The following APBA2 variants were observed in gnomAD, a reference collection of about 807,000 sequenced individuals.
The protein encoded by APBA2 is amyloid beta precursor protein binding family A member 2.
In APBA2, 30 loss-of-function variants were observed where a neutral mutation model predicts 75.0. The ratio of observed to expected loss-of-function variants is 0.40; its 90% CI spans 0.30 to 0.54. The LOEUF is 0.54. Ranked by LOEUF, APBA2 falls within the 20% of genes least tolerant of loss-of-function variation. The pLI is 0.49. For missense variants in APBA2, 801 were observed against 1,016.1 expected (o/e 0.79, Z 2.88); for synonymous variants, 444 against 409.6 (o/e 1.08, Z -1.01).
rs570138058 is a variant in APBA2 at position 28,902,812 on chromosome 15, C to T, written c.-205+16534C>T. Among the ~76,000 whole-genome samples the T allele has an allele frequency of 5.9e-5, 9 of 152,296 alleles. No homozygotes were observed. In the South Asian group the frequency reaches 1.9e-3, roughly 32 times the overall value. ...GGTGGGACCTTGGCTCCAAACCTCA[C>T]TGTTCCCCCATCTGTCTCAGGACCC... On this transcript the variant is annotated intron_variant, in intron 1 of 14. Transcript: ENST00000683413.
At chr15:29,056,607 TCCC>T (rs202185746) in intron 4 of APBA2, among the ~76,000 whole-genome samples, 255 of 2,692 alleles carry the variant, frequency 0.095, 21 homozygotes, top group Non-Finnish European at 0.15. Context: ...CCTCCCTCCC[TCCC>T]TCCTTCTCTC....
intron 3 of APBA2, among the ~76,000 whole-genome samples, chr15:29,027,882 C>T (rs534318721): frequency 1.3e-5 from 2 of 152,216 alleles, no homozygotes; most frequent in Admixed American, 6.5e-5. Flanking sequence ...GGATTACAGG[C>T]GTGAGCCACC....
intron 3 of APBA2, among the ~76,000 whole-genome samples, chr15:29,040,426 G>A (rs889014174): frequency 4.5e-4 from 69 of 152,238 alleles, no homozygotes; most frequent in Non-Finnish European, 8.4e-4. Flanking sequence ...TGGAAAAGAG[G>A]GTTTATTTAT....
intron 13 of APBA2, among the ~76,000 whole-genome samples, chr15:29,113,317 T>C (rs930425828): frequency 6.6e-6 from 1 of 151,706 alleles, no homozygotes; most frequent in Non-Finnish European, 1.5e-5. Flanking sequence ...CCAGAACCAG[T>C]ATATTTGGCA....
intron 6 of APBA2, among the ~76,000 whole-genome samples, chr15:29,079,824 GA>G (rs1418010764): frequency 6.6e-6 from 1 of 152,180 alleles, no homozygotes; most frequent in Non-Finnish European, 1.5e-5. Flanking sequence ...TGATAATAAT[GA>G]AAAAAATAAT....
chr15:29,076,142 A>T, intron 6 of APBA2, 51 bp downstream of exon 6: 3 of 1,583,414 alleles, frequency 1.9e-6, no homozygotes, highest in Non-Finnish European at 2.6e-6. Flanking sequence ...TTTTACATCA[A>T]AATAAATGGT....
chr15:28,937,006 T>C (rs1296715571), intron 2 of APBA2, among the ~76,000 whole-genome samples: 4 of 152,178 alleles, frequency 2.6e-5, no homozygotes, highest in South Asian at 4.1e-4. Flanking sequence ...CTAATAAATC[T>C]GTGCAGAAAG....
chr15:29,039,859 A>G (rs1157056321), intron 3 of APBA2, among the ~76,000 whole-genome samples: 4 of 152,240 alleles, frequency 2.6e-5, no homozygotes, highest in African/African-American at 7.2e-5. Flanking sequence ...CTCACGGATT[A>G]GAACTCAAAA....
chr15:28,962,892 A>G (rs1048956754), intron 2 of APBA2, among the ~76,000 whole-genome samples: 20 of 152,332 alleles, frequency 1.3e-4, no homozygotes, highest in Admixed American at 1.3e-3. Context: ...TGGACAAGGC[A>G]GGGACTTTGC....
chr15:29,083,714 A>G (rs2043177456), intron 6 of APBA2, among the ~76,000 whole-genome samples: 1 of 152,106 alleles, frequency 6.6e-6, no homozygotes, highest in Non-Finnish European at 1.5e-5. Context: ...TATTTTTAGT[A>G]GAGATGGGGT....
At chr15:29,043,670 T>G (rs960120083) in intron 3 of APBA2, among the ~76,000 whole-genome samples, 6 of 152,202 alleles carry the variant, frequency 3.9e-5, no homozygotes, top group African/African-American at 1.4e-4. Flanking sequence ...GCCACAAAAT[T>G]GTCTTGTGGA....
intron 13 of APBA2, among the ~76,000 whole-genome samples, chr15:29,113,417 A>T (rs2044855355): frequency 6.6e-6 from 1 of 152,148 alleles, no homozygotes; most frequent in Non-Finnish European, 1.5e-5. Flanking sequence ...CATCCGGCAA[A>T]CAGAGCCTTC....
intron 6 of APBA2, among the ~76,000 whole-genome samples, chr15:29,090,707 C>G (rs2043519417): frequency 6.6e-6 from 1 of 152,186 alleles, no homozygotes; most frequent in Admixed American, 6.5e-5. Context: ...GTGACGCCAT[C>G]TAGTGGTCAA....
intron 2 of APBA2, among the ~76,000 whole-genome samples, chr15:28,968,831 G>T (rs1224717810): frequency 6.6e-6 from 1 of 152,176 alleles, no homozygotes. Flanking sequence ...ACGTGCAGAG[G>T]GAGGATGGGA....
intron 1 of APBA2, among the ~76,000 whole-genome samples, chr15:28,913,199 C>T (rs1231660018): frequency 6.6e-6 from 1 of 152,188 alleles, no homozygotes; most frequent in Non-Finnish European, 1.5e-5. Context: ...AAAGCATGTG[C>T]CACCCCTCCT....
At chr15:29,071,867 G>A (rs1011957232) in intron 4 of APBA2, among the ~76,000 whole-genome samples, 1 of 152,010 alleles carries the variant, frequency 6.6e-6, no homozygotes, top group Non-Finnish European at 1.5e-5. Context: ...CACCCCTAGA[G>A]ACAACCTTGT....
At chr15:28,916,083 C>T (rs1203905673) in intron 1 of APBA2, among the ~76,000 whole-genome samples, 1 of 152,252 alleles carries the variant, frequency 6.6e-6, no homozygotes. Flanking sequence ...CTGCGCACCC[C>T]CGGCTGTCCT....
In APBA2 at chr15:29,046,932, T is replaced by C. The variant is rs1228098727; in HGVS notation, c.-40-6913T>C. Among the ~76,000 whole-genome samples the C allele has an allele frequency of 6.6e-6, 1 of 152,224 alleles. No homozygotes were observed. The highest frequency in any genetic ancestry group is 1.5e-5 in the Non-Finnish European group (1 of 68,050). On this transcript the variant is annotated intron_variant, in intron 3 of 14. Transcript: ENST00000683413. The surrounding 1 kb of genome is among the most constrained non-coding windows in gnomAD (Gnocchi z 5.0). Reference sequence around the variant, plus strand: ...AGACATTCACCTCATCAGGCATCTCTCCTGGACCATTTCATTGACATTTTC... The same window carrying C: ...AGACATTCACCTCATCAGGCATCTCCCCTGGACCATTTCATTGACATTTTC...
At chr15:28,984,116 C>T (rs1052194320) in intron 2 of APBA2, among the ~76,000 whole-genome samples, 1 of 152,076 alleles carries the variant, frequency 6.6e-6, no homozygotes, top group Non-Finnish European at 1.5e-5. Flanking sequence ...GTGGGGGATT[C>T]TGGGATCGGG....
Sources: allele counts gnomAD v4.1 joint callset (sites outside exome capture counted in the v4.1 genomes callset), GRCh38; gene constraint gnomAD v4.1.1; non-coding constraint Gnocchi (gnomAD v3.1); transcripts MANE v1.5; gene names NCBI Gene and HGNC (gene_info 2026-07-23, HGNC 2026-07-21).